SCN11A: variants seen among roughly 807,000 people sequenced by gnomAD.
The protein encoded by SCN11A is sodium voltage-gated channel alpha subunit 11.
In SCN11A, 122 loss-of-function variants were observed where a neutral mutation model predicts 162.2. The observed-to-expected ratio is 0.75, with a 90% CI of 0.65 to 0.87. The LOEUF (loss-of-function observed/expected upper bound fraction) is 0.87, where lower values mean the gene tolerates loss of function less well. Among genes scored for constraint, SCN11A ranks in the 40% least tolerant of loss-of-function variants. The pLI is 0.00. For synonymous variants in SCN11A, 758 were observed against 751.5 expected, an observed-to-expected ratio of 1.01 and a Z score of -0.14; for missense variants, 2,015 against 2,181.6, an observed-to-expected ratio of 0.92 and a Z score of 1.52.
intron 10 of SCN11A, among the ~76,000 whole-genome samples, chr3:38,920,337 A>G (rs1243064458): frequency 6.6e-6 from 1 of 152,148 alleles, no homozygotes; most frequent in East Asian, 1.9e-4. Flanking sequence ...TAGTCACATG[A>G]GATTCATGAC....
chr3:38,939,246 G>T (rs2066403791), intron 7 of SCN11A, among the ~76,000 whole-genome samples: 1 of 151,764 alleles, frequency 6.6e-6, no homozygotes, highest in Admixed American at 6.6e-5. Flanking sequence ...GAAAAACATA[G>T]AATTTAAGAC....
intron 4 of SCN11A, chr3:38,950,652 A>G: frequency 2.4e-6 from 1 of 414,062 alleles, no homozygotes; most frequent in Middle Eastern, 7.1e-4. Context: ...AGTGAGCAGA[A>G]GAAGCCCAGT....
At chr3:38,955,993 T>C (rs2066677225) in intron 3 of SCN11A, among the ~76,000 whole-genome samples, 1 of 152,196 alleles carries the variant, frequency 6.6e-6, no homozygotes, top group Non-Finnish European at 1.5e-5. Context: ...ATGCCTGTAA[T>C]CTCAGCACTT....
At chr3:39,030,733 C>T (rs1367687596) in intron 2 of SCN11A, among the ~76,000 whole-genome samples, 4 of 152,234 alleles carry the variant, frequency 2.6e-5, no homozygotes, top group Non-Finnish European at 4.4e-5. Flanking sequence ...CTACCACACA[C>T]ACACACAAAG....
chr3:38,848,760 G>A (rs971106779), intron 29 of SCN11A, among the ~76,000 whole-genome samples: 4 of 152,130 alleles, frequency 2.6e-5, no homozygotes, highest in Non-Finnish European at 2.9e-5. Context: ...GTGATTTGGT[G>A]TTCAATTAAT....
chr3:39,015,117 GA>G (rs2031254442), intron 2 of SCN11A, among the ~76,000 whole-genome samples: 2 of 142,060 alleles, frequency 1.4e-5, no homozygotes, highest in African/African-American at 6.2e-5. Context: ...GAGCCTTTAA[GA>G]AGAGAGAGCC....
Position 38,950,109 on chromosome 3 carries a change from T to G in SCN11A, c.254A>C (p.Tyr85Ser). ...GKPLEDLDPF[Y>S]RNHKTFMVLN... The stretch of plus-strand genomic sequence containing the variant: ...CCAATGAAGTACCTTATGATTTCGG[T>G]AGAATGGGTCCAAGTCTTCCAGAGG... Residue 85 changes from tyrosine (Y) to serine (S), a missense_variant, in exon 5 of 30, where the codon TAC (tyrosine) becomes TCC (serine). Coordinates refer to ENST00000302328, the MANE Select transcript of SCN11A (RefSeq NM_001349253.2). 1 of 1,156,382 alleles carries G rather than the reference T, an allele frequency of 8.6e-7. No individual in the cohort carries two copies. Among genetic ancestry groups the G allele is most frequent in the Non-Finnish European group, 1.2e-6 (1 of 854,368 alleles). 71.6% of individuals were successfully genotyped at this position (1,156,382 alleles called of 1,614,324 possible). A position where few individuals can be genotyped will look rare whatever the true frequency, so the allele number is the denominator to read the frequency against.
chr3:38,938,540 ATATATATATATTTTTTTTTTT>A (rs2066384498), intron 7 of SCN11A, among the ~76,000 whole-genome samples: 1 of 24,130 alleles, frequency 4.1e-5, no homozygotes, highest in African/African-American at 2.0e-4. Context: ...ATATATATAT[ATATATATATATTTTTTTTTTT>A]TTTTTTTTTT....
chr3:38,885,184 T>C (rs1162936308), intron 21 of SCN11A, 104 bp downstream of exon 21: 25 of 685,664 alleles, frequency 3.6e-5, no homozygotes, highest in Middle Eastern at 2.4e-4. Context: ...TTGTCTCCAA[T>C]AGAAGTAGAA....
intron 2 of SCN11A, among the ~76,000 whole-genome samples, chr3:39,006,584 A>G (rs1468175194): frequency 2.0e-5 from 3 of 152,124 alleles, no homozygotes; most frequent in South Asian, 2.1e-4. Context: ...AGGAAAAAAA[A>G]AAGAAGAAGA....
At chr3:39,002,750 TTAA>T (rs1227393635) in intron 2 of SCN11A, among the ~76,000 whole-genome samples, 1 of 152,230 alleles carries the variant, frequency 6.6e-6, no homozygotes, top group East Asian at 1.9e-4. Flanking sequence ...GTTGCAAACC[TTAA>T]ATGCTCTTCT....
chr3:38,883,982 C>T (rs1341897402), intron 21 of SCN11A, among the ~76,000 whole-genome samples: 3 of 152,176 alleles, frequency 2.0e-5, no homozygotes, highest in Admixed American at 6.5e-5. Context: ...AATGTCGAGA[C>T]GTTTACAAAG....
chr3:38,989,208 C>T (rs1389160639), intron 2 of SCN11A, among the ~76,000 whole-genome samples: 1 of 152,200 alleles, frequency 6.6e-6, no homozygotes, highest in African/African-American at 2.4e-5. Flanking sequence ...TGAGCATCCA[C>T]CTAGCAGCCA....
At position 38,847,632 on chromosome 3, in the gene SCN11A, C is replaced by A. The variant is rs2064696449; in HGVS notation, c.4438G>T (p.Ala1480Ser). 1 of 1,614,102 alleles carries A rather than the reference C, an allele frequency of 6.2e-7. No individual in the cohort carries two copies. Among genetic ancestry groups the A allele is most frequent in the East Asian group, 2.2e-5 (1 of 44,876 alleles). The stretch of plus-strand genomic sequence containing the variant: ...AAGAGGAGAGTCCTGATTCCTCGTG[C>A]AGCCCGGACAAGCCTCAGGATTCGG... ...IGRILRLVRA[A>S]RGIRTLLFAL... is the part of the protein sequence containing the mutation. The change falls in exon 30 of 30, where the codon GCA (alanine) becomes TCA (serine). Residue 1480 changes from alanine to serine, a missense_variant. Transcript: ENST00000302328.
In SCN11A at chr3:38,845,824, T is replaced by C. The variant is rs113138301; in HGVS notation, c.*870A>G. ...ATATATATATATATATCTGAGATGG[T>C]AGCTTGTGAAAGGGTAGTAATTGAC... On this transcript the variant is annotated 3_prime_UTR_variant, in exon 30 of 30. Coordinates refer to ENST00000302328, the MANE Select transcript of SCN11A (RefSeq NM_001349253.2). 2.9e-3 allele frequency: 448 copies of C among 152,246 alleles called. 3 individuals carry two copies. Among genetic ancestry groups the C allele is most frequent in the African/African-American group, 0.01 (429 of 41,520 alleles). 9.4% of individuals were successfully genotyped at this position (152,246 alleles called of 1,614,324 possible).
At chr3:38,936,775 T>C (rs1329477870) in intron 7 of SCN11A, among the ~76,000 whole-genome samples, 1 of 152,114 alleles carries the variant, frequency 6.6e-6, no homozygotes, top group Non-Finnish European at 1.5e-5. Flanking sequence ...AGAATCAGTA[T>C]CGTGAAAATG....
At chr3:38,889,839 A>C (rs2065468837) in intron 19 of SCN11A, among the ~76,000 whole-genome samples, 1 of 148,884 alleles carries the variant, frequency 6.7e-6, no homozygotes, top group African/African-American at 2.4e-5. Flanking sequence ...AAATAAAATA[A>C]AATAAAATAA....
intron 11 of SCN11A, among the ~76,000 whole-genome samples, chr3:38,918,211 C>G (rs1019358481): frequency 6.6e-6 from 1 of 152,154 alleles, no homozygotes; most frequent in Non-Finnish European, 1.5e-5. Context: ...GGTAACCACA[C>G]CTGTCTGCCT....
intron 11 of SCN11A, 54 bp from the exon 12 acceptor site, chr3:38,910,261 T>C: frequency 6.4e-7 from 1 of 1,565,906 alleles, no homozygotes; most frequent in East Asian, 2.3e-5. Context: ...GCCAAGCTTC[T>C]TTTTCCTTCC....
Sources: allele counts gnomAD v4.1 joint callset (sites outside exome capture counted in the v4.1 genomes callset), GRCh38; gene constraint gnomAD v4.1.1; transcripts MANE v1.5; gene names NCBI Gene and HGNC (gene_info 2026-07-23, HGNC 2026-07-21).